The following RALYL variants were observed in gnomAD, a reference collection of about 807,000 sequenced individuals.
RALYL encodes RALY RNA binding protein like, also known as RNA-binding Raly-like protein.
RALYL carries 29 observed loss-of-function variants against 35.1 expected under a neutral mutation model. The observed-to-expected ratio is 0.83, with a 90% confidence interval of 0.61 to 1.13. The LOEUF (loss-of-function observed/expected upper bound fraction) is 1.13, where lower values mean the gene tolerates loss of function less well. RALYL is among the 50% of genes most tolerant of loss of function. RALYL has a pLI of 0.00. For synonymous variants in RALYL, 120 were observed against 127.6 expected, an observed-to-expected ratio of 0.94 and a Z score of 0.40; for missense variants, 359 against 360.4, an observed-to-expected ratio of 1.00 and a Z score of 0.03.
chr8:84,400,035 C>A (rs1335059241), intron 1 of RALYL, among the ~76,000 whole-genome samples: 1 of 151,990 alleles, frequency 6.6e-6, no homozygotes, highest in African/African-American at 2.4e-5. Context: ...GAGAGTCACT[C>A]GAACCCAGAG....
chr8:84,787,116 C>T (rs1819682362), intron 3 of RALYL, among the ~76,000 whole-genome samples: 1 of 152,040 alleles, frequency 6.6e-6, no homozygotes, highest in African/African-American at 2.4e-5. Flanking sequence ...CCCATCAACC[C>T]GTCATCTACA....
intron 2 of RALYL, among the ~76,000 whole-genome samples, chr8:84,638,567 T>C (rs1427621546): frequency 6.6e-6 from 1 of 151,586 alleles, no homozygotes; most frequent in African/African-American, 2.4e-5. Flanking sequence ...ATTAACAAGA[T>C]TAACCAAGAA....
chr8:84,276,766 C>A (rs952174728), intron 1 of RALYL, among the ~76,000 whole-genome samples: 1 of 152,138 alleles, frequency 6.6e-6, no homozygotes, highest in African/African-American at 2.4e-5. Context: ...TGGAATTGCT[C>A]TAGTCATTCT....
chr8:84,629,925 A>C (rs1823565568), intron 2 of RALYL, among the ~76,000 whole-genome samples: 1 of 152,086 alleles, frequency 6.6e-6, no homozygotes, highest in South Asian at 2.1e-4. Context: ...CAAAAATGTT[A>C]AATGACATGC....
Position 84,920,113 on chromosome 8 carries a change from T to C in RALYL, c.859-781T>C, listed in dbSNP as rs182130377. On this transcript the variant is annotated intron_variant, in intron 8 of 8. Transcript: ENST00000521268. ...AACATGTCCCATCCCATCTGATACCTTGATTTGCATGTCTTTGACTCTTAA... is the reference window on the plus strand; with the variant it reads ...AACATGTCCCATCCCATCTGATACCCTGATTTGCATGTCTTTGACTCTTAA... Among the ~76,000 whole-genome samples, 598 of 152,224 alleles carry C rather than the reference T, an allele frequency of 3.9e-3. 6 individuals carry two copies. Among genetic ancestry groups the C allele is most frequent in the African/African-American group, 0.014 (565 of 41,574 alleles).
chr8:84,210,433 G>C (rs1335170044), intron 1 of RALYL, among the ~76,000 whole-genome samples: 1 of 151,118 alleles, frequency 6.6e-6, no homozygotes, highest in Non-Finnish European at 1.5e-5. Flanking sequence ...GCTAGTACCA[G>C]CACGAGTTGC....
At chr8:84,298,299 C>T (rs1840144497) in intron 1 of RALYL, among the ~76,000 whole-genome samples, 1 of 152,062 alleles carries the variant, frequency 6.6e-6, no homozygotes. Flanking sequence ...GAGTCCTTTC[C>T]TCATTGCTTG....
At chr8:84,326,861 T>A (rs1020991847) in intron 1 of RALYL, among the ~76,000 whole-genome samples, 2 of 152,158 alleles carry the variant, frequency 1.3e-5, no homozygotes, top group Non-Finnish European at 2.9e-5. Flanking sequence ...ACAAAACTTA[T>A]CAGCAAATCA....
rs887746507 is a variant in RALYL at position 84,498,472 on chromosome 8, C to T, written c.-23-30827C>T. Reference sequence around the variant, plus strand: ...CCTCATCGAAGCTACTAATGGATCTCCTTTCAAGGCTTGTTAACATGGCAC... The same window carrying T: ...CCTCATCGAAGCTACTAATGGATCTTCTTTCAAGGCTTGTTAACATGGCAC... On this transcript the variant is annotated intron_variant, in intron 1 of 8. Transcript: ENST00000521268. 3.3e-5 allele frequency among the ~76,000 whole-genome samples: 5 copies of T among 152,180 alleles called. No individual in the cohort carries two copies. In the East Asian group the frequency reaches 5.8e-4, roughly 18 times the overall value.
intron 2 of RALYL, among the ~76,000 whole-genome samples, chr8:84,760,275 G>C (rs541220934): frequency 6.6e-6 from 1 of 152,166 alleles, no homozygotes; most frequent in Admixed American, 6.5e-5. Flanking sequence ...GGGTGGAACA[G>C]AGCATGGTGG....
chr8:84,592,756 GA>G (rs1479318635), intron 2 of RALYL, among the ~76,000 whole-genome samples: 3 of 152,058 alleles, frequency 2.0e-5, no homozygotes, highest in African/African-American at 7.2e-5. Flanking sequence ...GCATAAAAAT[GA>G]AAAGTTTCAG....
intron 3 of RALYL, among the ~76,000 whole-genome samples, chr8:84,792,790 A>G (rs1157582988): frequency 1.3e-5 from 2 of 152,190 alleles, no homozygotes; most frequent in African/African-American, 2.4e-5. Context: ...GAGTTTGTAT[A>G]TGATGACTGA....
At chr8:84,595,884 C>A (rs1201386577) in intron 2 of RALYL, among the ~76,000 whole-genome samples, 1 of 151,194 alleles carries the variant, frequency 6.6e-6, no homozygotes, top group African/African-American at 2.4e-5. Flanking sequence ...ATGGGAACAG[C>A]AGGCAGGATC....
At chr8:84,201,306 G>T (rs954323606) in intron 1 of RALYL, among the ~76,000 whole-genome samples, 1 of 152,168 alleles carries the variant, frequency 6.6e-6, no homozygotes, top group Non-Finnish European at 1.5e-5. Context: ...GAATCAGTGA[G>T]AATTTGATGG....
intron 2 of RALYL, among the ~76,000 whole-genome samples, chr8:84,702,313 C>T (rs1840332239): frequency 6.6e-6 from 1 of 152,114 alleles, no homozygotes; most frequent in Non-Finnish European, 1.5e-5. Context: ...AGTGCATTGC[C>T]ACTTAATTCA....
At chr8:84,870,261 A>T (rs868218224) in intron 6 of RALYL, among the ~76,000 whole-genome samples, 13 of 142,476 alleles carry the variant, frequency 9.1e-5, no homozygotes, top group South Asian at 2.2e-4. Flanking sequence ...TTTGTGTATA[A>T]TTTTTTTTTT....
intron 2 of RALYL, among the ~76,000 whole-genome samples, chr8:84,634,235 A>G (rs1193994584): frequency 6.6e-6 from 1 of 151,666 alleles, no homozygotes; most frequent in Non-Finnish European, 1.5e-5. Context: ...ATATCTCTTC[A>G]CTTATGCTTT....
Position 84,896,436 on chromosome 8 carries a change from G to A in RALYL, c.858+8660G>A, listed in dbSNP as rs117472137. ...TCTTCTGCAGATTGTTCTCCAAAGA[G>A]CTGCCAATTTGGCTGTGTTAAAGCT... On this transcript the variant is annotated intron_variant, in intron 8 of 8. Transcript: ENST00000521268. 3.3e-3 allele frequency among the ~76,000 whole-genome samples: 500 copies of A among 152,328 alleles called. 2 individuals are homozygous for A. The highest frequency in any genetic ancestry group is 6.8e-3 in the Middle Eastern group (2 of 294).
intron 1 of RALYL, among the ~76,000 whole-genome samples, chr8:84,513,363 T>G (rs2057782275): frequency 6.6e-6 from 1 of 152,164 alleles, no homozygotes; most frequent in Admixed American, 6.6e-5. Flanking sequence ...TCCAGCAAAC[T>G]GTTAGCAATT....
Sources: allele counts gnomAD v4.1 joint callset (sites outside exome capture counted in the v4.1 genomes callset), GRCh38; gene constraint gnomAD v4.1.1; transcripts MANE v1.5; gene names NCBI Gene and HGNC (gene_info 2026-07-23, HGNC 2026-07-21).